NDUFS4: variants seen among roughly 807,000 people sequenced by gnomAD.
NDUFS4 encodes the protein NADH:ubiquinone oxidoreductase subunit S4, also known as NADH dehydrogenase [ubiquinone] iron-sulfur protein 4, mitochondrial.
Under a neutral mutation model 24.3 loss-of-function variants are expected in NDUFS4, and 28 were observed. That is an observed-to-expected ratio of 1.15 (90% CI 0.85 to 1.58). The LOEUF (loss-of-function observed/expected upper bound fraction) is 1.58. Ranked by LOEUF, NDUFS4 falls within the 40% of genes most tolerant of loss-of-function variation. NDUFS4 has a pLI of 0.00. For missense variants in NDUFS4, 223 were observed against 207.9 expected (o/e 1.07, Z -0.45); for synonymous variants, 93 against 69.7 (o/e 1.34, Z -1.67).
At chr5:53,667,324 G>C (rs1215657794) in intron 4 of NDUFS4, among the ~76,000 whole-genome samples, 5 of 151,962 alleles carry the variant, frequency 3.3e-5, no homozygotes, top group Non-Finnish European at 7.4e-5. Flanking sequence ...AATTAGCCGG[G>C]CATGGTGGCA....
chr5:53,682,985 A>C (rs917884351), intron 4 of NDUFS4, 133 bp from the exon 5 acceptor site: 3 of 755,438 alleles, frequency 4.0e-6, no homozygotes, highest in Non-Finnish European at 7.3e-6. Context: ...TATATCTCAG[A>C]TGTGTTGACA....
chr5:53,658,989 G>A (rs72753670), intron 4 of NDUFS4, among the ~76,000 whole-genome samples: 16,596 of 152,014 alleles, frequency 0.11, 1,124 homozygotes, highest in Non-Finnish European at 0.15. Context: ...TCTGTTTACC[G>A]TTAAGTTCTT....
rs372796281 is a variant in NDUFS4 at position 53,575,837 on chromosome 5, T to G, written c.98+15077T>G. On this transcript the variant is annotated intron_variant, in intron 1 of 4. Coordinates refer to ENST00000296684, the MANE Select transcript of NDUFS4 (RefSeq NM_002495.4). ...GATTACAGGTGTTAGCTACCACACCTGGCCTAAATGATCAGATTCTTAACC... is the reference window on the plus strand; with the variant it reads ...GATTACAGGTGTTAGCTACCACACCGGGCCTAAATGATCAGATTCTTAACC... Among the ~76,000 whole-genome samples the G allele has an allele frequency of 5.5e-4, 84 of 152,248 alleles. No homozygotes were observed. In the East Asian group the frequency reaches 0.015, roughly 27 times the overall value.
chr5:53,600,471 G>C (rs985718167), intron 1 of NDUFS4, among the ~76,000 whole-genome samples: 70 of 152,144 alleles, frequency 4.6e-4, no homozygotes, highest in African/African-American at 1.6e-3. Context: ...ACCAAGCCCA[G>C]CTAATTTTTG....
intron 1 of NDUFS4, among the ~76,000 whole-genome samples, chr5:53,598,471 G>A (rs1000293659): frequency 1.4e-4 from 22 of 152,202 alleles, no homozygotes; most frequent in African/African-American, 2.2e-4. Context: ...TAGAACTATC[G>A]TCAGTTCCAC....
chr5:53,580,995 G>A (rs112517071), intron 1 of NDUFS4, among the ~76,000 whole-genome samples: 64 of 152,136 alleles, frequency 4.2e-4, no homozygotes, highest in African/African-American at 1.3e-3. Context: ...CACCGTGCCC[G>A]GCTAATTTTG....
At chr5:53,667,535 C>T (rs925969870) in intron 4 of NDUFS4, among the ~76,000 whole-genome samples, 3 of 151,214 alleles carry the variant, frequency 2.0e-5, no homozygotes, top group Non-Finnish European at 2.9e-5. Flanking sequence ...CCAAATTCCA[C>T]AGCATCCTCT....
At chr5:53,606,396 C>T (rs1172885919) in intron 2 of NDUFS4, among the ~76,000 whole-genome samples, 2 of 151,908 alleles carry the variant, frequency 1.3e-5, no homozygotes, top group Admixed American at 6.6e-5. Flanking sequence ...TGGTGCCATA[C>T]ACTTTCTGTC....
chr5:53,573,630 C>A (rs1456455577), intron 1 of NDUFS4: 2 of 450,408 alleles, frequency 4.4e-6, no homozygotes, highest in Admixed American at 2.4e-5. Flanking sequence ...GCTCTGTCAT[C>A]CAGGCTGGAG....
At chr5:53,573,636 T>C (rs1417944230) in intron 1 of NDUFS4, 1 of 448,994 alleles carries the variant, frequency 2.2e-6, no homozygotes, top group South Asian at 1.6e-5. Context: ...TCATCCAGGC[T>C]GGAGTGCAGT....
chr5:53,669,517 A>C (rs892707446), intron 4 of NDUFS4, among the ~76,000 whole-genome samples: 3 of 152,016 alleles, frequency 2.0e-5, no homozygotes, highest in Non-Finnish European at 4.4e-5. Flanking sequence ...TGCACCTCCC[A>C]TCTACTACTG....
At chr5:53,562,652 T>G (rs757846114) in intron 1 of NDUFS4, among the ~76,000 whole-genome samples, 24 of 152,182 alleles carry the variant, frequency 1.6e-4, no homozygotes, top group Admixed American at 1.4e-3. Context: ...ATTTTTACCC[T>G]AAGAGCTTGT....
At chr5:53,642,930 A>T (rs570857113) in intron 2 of NDUFS4, among the ~76,000 whole-genome samples, 3 of 152,152 alleles carry the variant, frequency 2.0e-5, no homozygotes, top group African/African-American at 4.8e-5. Flanking sequence ...TCTGTGAATT[A>T]TCATTGACTT....
At chr5:53,627,340 C>T (rs1261982599) in intron 2 of NDUFS4, among the ~76,000 whole-genome samples, 1 of 152,064 alleles carries the variant, frequency 6.6e-6, no homozygotes, top group Non-Finnish European at 1.5e-5. Flanking sequence ...GTTCTTTTTG[C>T]TTAGGATTGT....
chr5:53,609,134 T>C (rs529840728), intron 2 of NDUFS4, among the ~76,000 whole-genome samples: 1 of 152,366 alleles, frequency 6.6e-6, no homozygotes, highest in African/African-American at 2.4e-5. Flanking sequence ...ACAAATGTTC[T>C]TAGTGGCATC....
chr5:53,570,477 A>C (rs1223474151), intron 1 of NDUFS4, among the ~76,000 whole-genome samples: 1 of 152,134 alleles, frequency 6.6e-6, no homozygotes, highest in Non-Finnish European at 1.5e-5. Context: ...GCTTCTGTAC[A>C]GGATTTTATG....
chr5:53,648,289 TGTA>T (rs1437716120), intron 3 of NDUFS4, among the ~76,000 whole-genome samples: 2 of 152,186 alleles, frequency 1.3e-5, no homozygotes, highest in African/African-American at 4.8e-5. Context: ...TCATGTCTCC[TGTA>T]GTAGTAGTAC....
chr5:53,629,206 T>A (rs1310368551), intron 2 of NDUFS4, among the ~76,000 whole-genome samples: 1 of 152,246 alleles, frequency 6.6e-6, no homozygotes, highest in Non-Finnish European at 1.5e-5. Context: ...AGTTTCTTAA[T>A]CCTGAGTTCT....
At chr5:53,607,299 G>A (rs1459188622) in intron 2 of NDUFS4, among the ~76,000 whole-genome samples, 3 of 152,168 alleles carry the variant, frequency 2.0e-5, no homozygotes, top group Admixed American at 2.0e-4. Context: ...CTAGAAAGAT[G>A]TCAAGCTCAA....
Sources: allele counts gnomAD v4.1 joint callset (sites outside exome capture counted in the v4.1 genomes callset), GRCh38; gene constraint gnomAD v4.1.1; transcripts MANE v1.5; gene names NCBI Gene and HGNC (gene_info 2026-07-23, HGNC 2026-07-21).